The following PEBP4 variants were observed in gnomAD, a reference collection of about 807,000 sequenced individuals.
The protein encoded by PEBP4 is phosphatidylethanolamine binding protein 4.
Under a neutral mutation model 23.9 loss-of-function variants are expected in PEBP4, and 22 were observed. That is an observed-to-expected ratio of 0.92 (90% CI 0.66 to 1.31). PEBP4 has a LOEUF of 1.31. Among genes scored for constraint, PEBP4 ranks in the 40% most tolerant of loss-of-function variants. PEBP4 has a pLI of 0.00. For synonymous variants in PEBP4, 112 were observed against 99.3 expected, an observed-to-expected ratio of 1.13 and a Z score of -0.76; for missense variants, 324 against 281.7, an observed-to-expected ratio of 1.15 and a Z score of -1.07.
At position 22,865,866 on chromosome 8, in the gene PEBP4, C is replaced by A. The variant is rs1305306947; in HGVS notation, c.259-48131G>T. 6.6e-6 allele frequency among the ~76,000 whole-genome samples: 1 copy of A among 152,176 alleles called. No individual in the cohort carries two copies. The highest frequency in any genetic ancestry group is 1.5e-5 in the Non-Finnish European group (1 of 68,024). Reference sequence around the variant, plus strand: ...CCGACAAGACTGAGCGCAGGGCCCACCCCGGCTGTCCCAGCTCGGGCGCCC... The same window carrying A: ...CCGACAAGACTGAGCGCAGGGCCCAACCCGGCTGTCCCAGCTCGGGCGCCC... On this transcript the variant is annotated intron_variant, in intron 3 of 6. Coordinates refer to ENST00000256404, the MANE Select transcript of PEBP4 (RefSeq NM_144962.3). This position sits in a 1 kb window ranked among gnomAD's most constrained non-coding sequence, Gnocchi z 6.9.
chr8:22,919,979 A>G (rs1489110080), intron 3 of PEBP4, among the ~76,000 whole-genome samples: 1 of 152,138 alleles, frequency 6.6e-6, no homozygotes, highest in Admixed American at 6.5e-5. Context: ...CAAAGTTTCC[A>G]GTCTGCAGCC....
At chr8:22,744,387 C>T (rs144913490) in intron 4 of PEBP4, among the ~76,000 whole-genome samples, 172 of 152,306 alleles carry the variant, frequency 1.1e-3, no homozygotes, top group African/African-American at 4.0e-3. Flanking sequence ...GGACAGGAGC[C>T]ACAGGCCACC....
At chr8:22,752,962 T>C (rs1377945870) in intron 4 of PEBP4, among the ~76,000 whole-genome samples, 2 of 152,204 alleles carry the variant, frequency 1.3e-5, no homozygotes, top group Non-Finnish European at 2.9e-5. Flanking sequence ...TGGAGACGTA[T>C]TCCTGCTATG....
intron 3 of PEBP4, among the ~76,000 whole-genome samples, chr8:22,850,574 T>C (rs148304212): frequency 7.2e-5 from 11 of 152,166 alleles, no homozygotes; most frequent in Non-Finnish European, 1.2e-4. Context: ...TGTGTGTGTG[T>C]CTGTGTGTCT....
In PEBP4 at chr8:22,769,046, G is replaced by A. The variant is rs573419911; in HGVS notation, c.358-41826C>T. Among the ~76,000 whole-genome samples, 354 of 152,296 alleles carry A rather than the reference G, an allele frequency of 2.3e-3. 1 individual carries two copies. Among genetic ancestry groups the A allele is most frequent in the African/African-American group, 8.1e-3 (337 of 41,562 alleles). On this transcript the variant is annotated intron_variant, in intron 4 of 6. Transcript: ENST00000256404. ...GGGGTCTGCTGGAAACTAAGGTCCAGGTGGATCCTTTTGATGTGAGAAGCA... is the reference window on the plus strand; with the variant it reads ...GGGGTCTGCTGGAAACTAAGGTCCAAGTGGATCCTTTTGATGTGAGAAGCA...
intron 3 of PEBP4, among the ~76,000 whole-genome samples, chr8:22,861,063 C>T (rs138603818): frequency 5.9e-5 from 9 of 152,326 alleles, no homozygotes; most frequent in African/African-American, 1.7e-4. Flanking sequence ...TTCCTTGGAA[C>T]GTAGAGCTTC....
chr8:22,830,490 C>T (rs1392339648), intron 3 of PEBP4, among the ~76,000 whole-genome samples: 1 of 152,164 alleles, frequency 6.6e-6, no homozygotes, highest in African/African-American at 2.4e-5. Context: ...TCAGGAACAT[C>T]AACCCACAGC....
chr8:22,865,028 GCAGGCGGCGAGGCCAAGGGGTAGGTCAC>G lies in PEBP4; in HGVS notation c.259-47321_259-47294del, dbSNP rs1333955892. ...GCAGGTGTGACCGTGAGAGAGGGAG[GCAGGCGGCGAGGCCAAGGGGTAGGTCAC>G]CAGGCGGGGACCTGCAGGGCCAGAC... On this transcript the variant is annotated intron_variant, in intron 3 of 6. Coordinates refer to ENST00000256404, the MANE Select transcript of PEBP4 (RefSeq NM_144962.3). This position sits in a 1 kb window ranked among gnomAD's most constrained non-coding sequence, Gnocchi z 6.9. Among the ~76,000 whole-genome samples, 1 of 152,174 alleles carries G rather than the reference GCAGGCGGCGAGGCCAAGGGGTAGGTCAC, an allele frequency of 6.6e-6. No individual in the cohort carries two copies. Among genetic ancestry groups the G allele is most frequent in the Non-Finnish European group, 1.5e-5 (1 of 68,026 alleles).
chr8:22,936,285 A>C (rs2128783390), intron 1 of PEBP4, among the ~76,000 whole-genome samples: 1 of 151,992 alleles, frequency 6.6e-6, no homozygotes, highest in East Asian at 1.9e-4. Context: ...TACAGAAATA[A>C]AAAGGGTGAT....
chr8:22,826,313 C>T (rs572077888), intron 3 of PEBP4, among the ~76,000 whole-genome samples: 6 of 152,316 alleles, frequency 3.9e-5, no homozygotes, highest in East Asian at 1.9e-4. Context: ...GGCAAGGCTG[C>T]GGGGAAACTG....
In PEBP4 at chr8:22,865,377, CG is replaced by C. The variant is rs1409240410; in HGVS notation, c.259-47643del. Among the ~76,000 whole-genome samples, 2 of 150,726 alleles carry C rather than the reference CG, an allele frequency of 1.3e-5. No homozygotes were observed. The highest frequency in any genetic ancestry group is 6.6e-5 in the Admixed American group (1 of 15,074). On this transcript the variant is annotated intron_variant, in intron 3 of 6. Coordinates refer to ENST00000256404, the MANE Select transcript of PEBP4 (RefSeq NM_144962.3). The surrounding 1 kb of genome is among the most constrained non-coding windows in gnomAD (Gnocchi z 6.9). ...CCACGGGCGGTGACGGTGGCGGTGG[CG>C]GTGGCGGCGGCGGGACCCCGGGCCT...
intron 4 of PEBP4, among the ~76,000 whole-genome samples, chr8:22,745,198 C>T (rs905443469): frequency 2.0e-5 from 3 of 152,200 alleles, no homozygotes; most frequent in African/African-American, 2.4e-5. Flanking sequence ...ATGCCCGGGC[C>T]TGGGGGCAGA....
At chr8:22,934,076 T>A (rs1048470549) in intron 1 of PEBP4, among the ~76,000 whole-genome samples, 2 of 152,120 alleles carry the variant, frequency 1.3e-5, no homozygotes, top group African/African-American at 4.8e-5. Flanking sequence ...ACTAATAAAG[T>A]GAGAATGCAC....
chr8:22,863,055 C>T (rs1049654317), intron 3 of PEBP4, among the ~76,000 whole-genome samples: 6 of 152,134 alleles, frequency 3.9e-5, no homozygotes, highest in Admixed American at 3.3e-4. Flanking sequence ...CTGCCTCGGC[C>T]TCCCAAAGTG....
At chr8:22,870,669 G>A (rs1008877585) in intron 3 of PEBP4, among the ~76,000 whole-genome samples, 1 of 152,174 alleles carries the variant, frequency 6.6e-6, no homozygotes, top group African/African-American at 2.4e-5. Flanking sequence ...AGTGAGTGGT[G>A]GGGAGTGGGG....
chr8:22,874,320 A>G (rs1808074466), intron 3 of PEBP4, among the ~76,000 whole-genome samples: 1 of 152,228 alleles, frequency 6.6e-6, no homozygotes, highest in African/African-American at 2.4e-5. Context: ...GGGATTCATC[A>G]TTGACACTCA....
intron 3 of PEBP4, among the ~76,000 whole-genome samples, chr8:22,856,047 C>A (rs1326263532): frequency 0.013 from 1,224 of 91,108 alleles, no homozygotes; most frequent in African/African-American, 0.024. Flanking sequence ...GACCCTGTCT[C>A]AAAAAAAAAA....
At chr8:22,908,247 G>A (rs1808856711) in intron 3 of PEBP4, among the ~76,000 whole-genome samples, 1 of 152,072 alleles carries the variant, frequency 6.6e-6, no homozygotes, top group Non-Finnish European at 1.5e-5. Flanking sequence ...TCATGGCATT[G>A]GATGAGACCA....
chr8:22,837,890 CTTTTTTTTTT>C (rs746772591), intron 3 of PEBP4, among the ~76,000 whole-genome samples: 1,005 of 64,630 alleles, frequency 0.016, 18 homozygotes, highest in Non-Finnish European at 0.021. Flanking sequence ...TTATTATATT[CTTTTTTTTTT>C]TTTTTTTTTT....
Sources: gnomAD v4.1 joint callset for allele counts (sites outside exome capture counted in the v4.1 genomes callset) on GRCh38, gnomAD v4.1.1 for gene constraint, Gnocchi (gnomAD v3.1) non-coding constraint, MANE v1.5 for transcripts, NCBI Gene and HGNC (gene_info 2026-07-23, HGNC 2026-07-21) for gene names.